NHSL1: variants seen among roughly 807,000 people sequenced by gnomAD.
NHSL1 encodes NHS-like protein 1.
In NHSL1, 48 loss-of-function variants were observed where a neutral mutation model predicts 95.0. The ratio of observed to expected loss-of-function variants is 0.51; its 90% CI spans 0.40 to 0.64. The LOEUF is 0.64. NHSL1 is among the 30% of genes least tolerant of loss of function. NHSL1 has a pLI of 0.00. For missense variants in NHSL1, 1,971 were observed against 2,077.7 expected (o/e 0.95, Z 1.00); for synonymous variants, 783 against 833.9 (o/e 0.94, Z 1.05).
chr6:138,653,570 A>G (rs906662796), intron 1 of NHSL1, among the ~76,000 whole-genome samples: 6 of 152,202 alleles, frequency 3.9e-5, no homozygotes, highest in Non-Finnish European at 5.9e-5. Context: ...CAAAAAAAAA[A>G]GCCTTAGTCT....
chr6:138,607,030 G>C (rs1784444866), intron 1 of NHSL1, among the ~76,000 whole-genome samples: 1 of 152,058 alleles, frequency 6.6e-6, no homozygotes, highest in Non-Finnish European at 1.5e-5. Flanking sequence ...AATCAGCTAA[G>C]ATAGGACATC....
chr6:138,455,504 TTCACATGCTCCCTGCAAGGAGCCCC>T (rs1777538095), intron 3 of NHSL1, among the ~76,000 whole-genome samples: 4 of 75,472 alleles, frequency 5.3e-5, no homozygotes, highest in Non-Finnish European at 1.1e-4. Flanking sequence ...GAGCCCCGCC[TTCACATGCTCCCTGCAAGGAGCCCC>T]GCCTTCACAT....
At chr6:138,497,313 A>G (rs191332243) in intron 1 of NHSL1, among the ~76,000 whole-genome samples, 1 of 152,302 alleles carries the variant, frequency 6.6e-6, no homozygotes, top group East Asian at 1.9e-4. Flanking sequence ...CAGGCATAAG[A>G]GAGACTGGAA....
At chr6:138,686,757 A>G (rs1445776273) in intron 1 of NHSL1, among the ~76,000 whole-genome samples, 1 of 152,184 alleles carries the variant, frequency 6.6e-6, no homozygotes, top group Non-Finnish European at 1.5e-5. Context: ...TCCTAATCCA[A>G]TGAGCTTTCT....
In NHSL1 at chr6:138,572,466, C is replaced by T. The variant is rs79413812; in HGVS notation, c.-555G>A. The T allele has an allele frequency of 4.4e-3, 681 of 153,270 alleles. 7 individuals are homozygous for T. Among genetic ancestry groups the T allele is most frequent in the African/African-American group, 0.014 (586 of 41,588 alleles). 9.5% of individuals were successfully genotyped at this position (153,270 alleles called of 1,614,324 possible). On this transcript the variant is annotated 5_prime_UTR_variant, in exon 1 of 7. Transcript: ENST00000427025. ...CGGTTACTTGGGAGAAATCAAAGAGCTCAGCTCACTCGCCCCAGCACAGGG... is the reference window on the plus strand; with the variant it reads ...CGGTTACTTGGGAGAAATCAAAGAGTTCAGCTCACTCGCCCCAGCACAGGG...
At position 138,432,061 on chromosome 6, in the gene NHSL1, C is replaced by T; in HGVS notation, c.2284G>A (p.Ala762Thr). Residue 762 changes from alanine (A) to threonine (T), a missense_variant, in exon 6 of 8, where the codon GCC becomes ACC. Ala to Thr is a moderately conservative substitution (Grantham distance 58). This residue lies in a region of NHSL1 where 1,602 missense variants were observed against 1,654.5 expected (regional missense o/e 0.97). Transcript: ENST00000343505. This position sits in a 1 kb window ranked among gnomAD's most constrained non-coding sequence, Gnocchi z 4.4. Reference protein sequence around the residue: ...TTPNVYSLCGATPSQSDTSSV... With the variant: ...TTPNVYSLCGTTPSQSDTSSV... The stretch of plus-strand genomic sequence containing the variant: ...CTTGTGTCACTCTGCGATGGCGTGG[C>T]CCCGCACAGGGAGTAGACATTGGGG... 1.3e-6 allele frequency: 2 copies of T among 1,551,704 alleles called. No homozygotes were observed. The highest frequency in any genetic ancestry group is 4.9e-5 in the East Asian group (2 of 40,908).
exon 1 of NHSL1, chr6:138,571,851 G>T: frequency 2.6e-6 from 4 of 1,551,794 alleles, no homozygotes; most frequent in East Asian, 2.4e-5. Context: ...CTTACAGCAC[G>T]TGAGAGAGAA....
intron 5 of NHSL1, among the ~76,000 whole-genome samples, chr6:138,441,555 C>G (rs1033359188): frequency 6.6e-6 from 1 of 152,166 alleles, no homozygotes; most frequent in African/African-American, 2.4e-5. Context: ...TTTCTGATGA[C>G]AAAATGCCAC....
intron 2 of NHSL1, among the ~76,000 whole-genome samples, chr6:138,475,940 G>A (rs1779041742): frequency 6.6e-6 from 1 of 152,116 alleles, no homozygotes; most frequent in Non-Finnish European, 1.5e-5. Context: ...TCCAGCCTGG[G>A]CAACAGAGTG....
At chr6:138,656,222 T>A (rs566094355) in intron 1 of NHSL1, among the ~76,000 whole-genome samples, 7 of 152,328 alleles carry the variant, frequency 4.6e-5, no homozygotes, top group African/African-American at 1.7e-4. Context: ...CCTCTGATAA[T>A]TTGCTTATAA....
At chr6:138,639,520 G>A (rs910309164) in intron 1 of NHSL1, among the ~76,000 whole-genome samples, 1 of 151,806 alleles carries the variant, frequency 6.6e-6, no homozygotes, top group East Asian at 1.9e-4. Flanking sequence ...GTGGGCGCCT[G>A]TAGCCCAGCT....
upstream of NHSL1, among the ~76,000 whole-genome samples, chr6:138,576,434 G>A (rs1045522883): frequency 2.6e-5 from 4 of 152,132 alleles, no homozygotes; most frequent in Admixed American, 6.6e-5. Flanking sequence ...TGAGACAGAC[G>A]TGCTGAACAG....
chr6:138,437,756 CTGATTCCAGCTCT>C (rs1562271321), intron 5 of NHSL1, among the ~76,000 whole-genome samples: 1 of 152,168 alleles, frequency 6.6e-6, no homozygotes, highest in Non-Finnish European at 1.5e-5. Flanking sequence ...CTGGAAGAAA[CTGATTCCAGCTCT>C]CGTAGATAAC....
At chr6:138,526,556 C>T (rs192088574) in intron 1 of NHSL1, among the ~76,000 whole-genome samples, 1 of 152,280 alleles carries the variant, frequency 6.6e-6, no homozygotes, top group East Asian at 1.9e-4. Flanking sequence ...CTTGCCACTT[C>T]CCTGCCCTCT....
upstream of NHSL1, among the ~76,000 whole-genome samples, chr6:138,502,099 T>A (rs1035232622): frequency 6.6e-6 from 1 of 152,074 alleles, no homozygotes. Context: ...CAGGCTTCCA[T>A]CCCGGCATCC....
intron 1 of NHSL1, among the ~76,000 whole-genome samples, chr6:138,637,746 G>A (rs1038553461): frequency 2.0e-5 from 3 of 152,110 alleles, no homozygotes; most frequent in Non-Finnish European, 4.4e-5. Context: ...GCAGAGGATG[G>A]GGAGAAAAGG....
intron 1 of NHSL1, among the ~76,000 whole-genome samples, chr6:138,508,811 A>C (rs769317547): frequency 2.6e-5 from 4 of 152,244 alleles, no homozygotes; most frequent in Non-Finnish European, 5.9e-5. Flanking sequence ...CTTTATTTCA[A>C]GGATAACTTC....
intron 1 of NHSL1, among the ~76,000 whole-genome samples, chr6:138,684,352 A>G (rs1018552281): frequency 6.6e-6 from 1 of 152,176 alleles, no homozygotes; most frequent in African/African-American, 2.4e-5. Context: ...ATTTGTCCAA[A>G]AAAAGGGGGA....
At chr6:138,561,806 C>T (rs191338414) in intron 1 of NHSL1, among the ~76,000 whole-genome samples, 406 of 152,258 alleles carry the variant, frequency 2.7e-3, no homozygotes, top group Non-Finnish European at 4.4e-3. Context: ...CCTACAACCA[C>T]TGGGGGAAGA....
Sources: allele counts gnomAD v4.1 joint callset (sites outside exome capture counted in the v4.1 genomes callset), GRCh38; gene constraint gnomAD v4.1.1; regional missense constraint gnomAD v4.1.1; non-coding constraint Gnocchi (gnomAD v3.1); transcripts MANE v1.5; gene names NCBI Gene and HGNC (gene_info 2026-07-23, HGNC 2026-07-21).